Variants in THEMIS observed in about 807,000 individuals in gnomAD.
THEMIS encodes the protein thymocyte selection associated.
THEMIS carries 37 observed loss-of-function variants against 52.6 expected under a neutral mutation model. That is an observed-to-expected ratio of 0.70 (90% confidence interval 0.54 to 0.93). The LOEUF is 0.93. Ranked by LOEUF, THEMIS falls within the 40% of genes least tolerant of loss-of-function variation. The probability of loss-of-function intolerance (pLI) is 0.00; values close to 1 mark genes in which losing one functional copy is unlikely to be tolerated. For missense variants in THEMIS, 808 were observed against 763.1 expected (o/e 1.06, Z -0.69); for synonymous variants, 292 against 272.7 (o/e 1.07, Z -0.70).
the THEMIS span, among the ~76,000 whole-genome samples, chr6:127,703,050 T>G: frequency 7.8e-4 from 92 of 117,220 alleles, no homozygotes; most frequent in Admixed American, 1.8e-3. Context: ...TTTTTTTTTT[T>G]TTTTTTTTTT....
At chr6:127,898,068 C>T (rs1781025801) in intron 1 of THEMIS, among the ~76,000 whole-genome samples, 1 of 151,362 alleles carries the variant, frequency 6.6e-6, no homozygotes, top group South Asian at 2.1e-4. Flanking sequence ...CATAAATGGA[C>T]AAAAGTCATG....
intron 4 of THEMIS, among the ~76,000 whole-genome samples, chr6:127,729,804 T>C (rs1774696450): frequency 6.6e-6 from 1 of 152,204 alleles, no homozygotes; most frequent in Non-Finnish European, 1.5e-5. Flanking sequence ...TTTTCATGGC[T>C]GTCACCACTG....
At chr6:127,747,102 T>TTG (rs1775459551) in intron 4 of THEMIS, among the ~76,000 whole-genome samples, 1 of 128,790 alleles carries the variant, frequency 7.8e-6, no homozygotes, top group Non-Finnish European at 1.6e-5. Context: ...TTATATATAA[T>TTG]TATATATAGA....
At chr6:127,758,869 C>G (rs1316470068) in intron 4 of THEMIS, among the ~76,000 whole-genome samples, 1 of 152,086 alleles carries the variant, frequency 6.6e-6, no homozygotes, top group Admixed American at 6.6e-5. Flanking sequence ...GTTTACAAGA[C>G]TTTTGAGTCC....
chr6:127,873,422 T>A (rs1562314041), intron 1 of THEMIS, among the ~76,000 whole-genome samples: 1 of 152,118 alleles, frequency 6.6e-6, no homozygotes, highest in Non-Finnish European at 1.5e-5. Context: ...CAGAACTGTA[T>A]AGTTAGTGGC....
At chr6:127,837,218 A>G (rs999477235) in intron 2 of THEMIS, among the ~76,000 whole-genome samples, 4 of 152,136 alleles carry the variant, frequency 2.6e-5, no homozygotes, top group Admixed American at 1.3e-4. Flanking sequence ...TCAAAAACTA[A>G]GAATAATAGA....
intron 1 of THEMIS, among the ~76,000 whole-genome samples, chr6:127,888,839 T>A (rs1780720862): frequency 6.6e-6 from 1 of 152,096 alleles, no homozygotes; most frequent in Non-Finnish European, 1.5e-5. Context: ...ATCACTTTCT[T>A]ATGAACATGT....
chr6:127,757,197 G>C (rs145810061), intron 4 of THEMIS, among the ~76,000 whole-genome samples: 1 of 152,080 alleles, frequency 6.6e-6, no homozygotes, highest in Non-Finnish European at 1.5e-5. Context: ...GCTAGTGGCC[G>C]TATTAGTCAC....
At position 127,910,635 on chromosome 6, in the gene THEMIS, T is replaced by A. The variant is rs533090360; in HGVS notation, c.-150+7793A>T. Among the ~76,000 whole-genome samples the A allele has an allele frequency of 2.0e-5, 3 of 152,264 alleles. No individual in the cohort carries two copies. In the East Asian group the frequency reaches 5.8e-4, roughly 29 times the overall value. On this transcript the variant is annotated intron_variant, in intron 1 of 6. Transcript: ENST00000368250. ...CAGCAACCATAATTTTTTAAAATAA[T>A]TATTTGAGAATAGGTTATAGAATCA...
chr6:127,781,626 A>C (rs1776747009), intron 4 of THEMIS, among the ~76,000 whole-genome samples: 1 of 151,438 alleles, frequency 6.6e-6, no homozygotes, highest in Non-Finnish European at 1.5e-5. Context: ...TCTGTTTGTT[A>C]TTTTTCCTTC....
chr6:127,711,958 A>G (rs546505186), intron 5 of THEMIS, among the ~76,000 whole-genome samples: 3 of 152,094 alleles, frequency 2.0e-5, no homozygotes, highest in East Asian at 3.9e-4. Context: ...ATAAGTTTTC[A>G]TTATAATAAC....
chr6:127,854,443 G>A (rs1347867022), intron 2 of THEMIS, among the ~76,000 whole-genome samples: 1 of 151,788 alleles, frequency 6.6e-6, no homozygotes, highest in Non-Finnish European at 1.5e-5. Context: ...CCAGTGAGGT[G>A]TATGTTATGA....
chr6:127,864,388 A>G lies in THEMIS; in HGVS notation c.92-9200T>C, dbSNP rs1779905680. On this transcript the variant is annotated intron_variant, in intron 1 of 5. Transcript: ENST00000368248. ...TTTACAAGAGCTGTTTCTTATTGAG[A>G]GAAGTAAAAGCCAGGTCTTGAGGAA... is the stretch of plus-strand genomic sequence containing the variant. Among the ~76,000 whole-genome samples the G allele has an allele frequency of 2.0e-5, 3 of 152,280 alleles. No individual in the cohort carries two copies. In the Middle Eastern group the frequency reaches 0.01, roughly 518 times the overall value.
At chr6:127,883,808 G>C (rs1780561591) in intron 1 of THEMIS, among the ~76,000 whole-genome samples, 1 of 152,036 alleles carries the variant, frequency 6.6e-6, no homozygotes, top group African/African-American at 2.4e-5. Flanking sequence ...GGTAGGCTAG[G>C]CTACGTTATA....
chr6:127,765,071 A>G (rs947836841), intron 4 of THEMIS, among the ~76,000 whole-genome samples: 4 of 152,126 alleles, frequency 2.6e-5, no homozygotes, highest in Non-Finnish European at 4.4e-5. Flanking sequence ...CAAAGTCAAG[A>G]ACACTATTAT....
chr6:127,827,650 G>T (rs1778551681), intron 3 of THEMIS, among the ~76,000 whole-genome samples: 1 of 152,082 alleles, frequency 6.6e-6, no homozygotes, highest in Non-Finnish European at 1.5e-5. Context: ...AAGCCAGGAG[G>T]CTGGGAACAA....
chr6:127,906,751 A>T (rs802712), intron 1 of THEMIS, among the ~76,000 whole-genome samples: 113,409 of 151,768 alleles, frequency 0.75, 43,057 homozygotes, highest in East Asian at 0.97. Flanking sequence ...AGAACAGAGA[A>T]GGACTTGGCT....
intron 4 of THEMIS, among the ~76,000 whole-genome samples, chr6:127,802,034 G>C (rs1340744510): frequency 6.6e-6 from 1 of 152,202 alleles, no homozygotes; most frequent in Non-Finnish European, 1.5e-5. Context: ...TGCATTTAAT[G>C]TTGCAGTTCG....
At chr6:127,910,106 A>G (rs1781373713) in intron 1 of THEMIS, 1 of 152,186 alleles carries the variant, frequency 6.6e-6, no homozygotes, top group Non-Finnish European at 1.5e-5. Flanking sequence ...CACTTTATAG[A>G]AAAATAATAG....
Sources: gnomAD v4.1 joint callset for allele counts (sites outside exome capture counted in the v4.1 genomes callset) on GRCh38, gnomAD v4.1.1 for gene constraint, MANE v1.5 for transcripts, NCBI Gene and HGNC (gene_info 2026-07-23, HGNC 2026-07-21) for gene names.